SASS6: variants seen among roughly 807,000 people sequenced by gnomAD.
SASS6 encodes spindle assembly abnormal protein 6 homolog.
SASS6 carries 59 observed loss-of-function variants against 94.9 expected under a neutral mutation model. The observed-to-expected ratio is 0.62, with a 90% CI of 0.50 to 0.77. The LOEUF (loss-of-function observed/expected upper bound fraction) is 0.77, where lower values mean the gene tolerates loss of function less well. SASS6 is among the 30% of genes least tolerant of loss of function. The pLI is 0.00. For missense variants in SASS6, 698 were observed against 734.1 expected (o/e 0.95, Z 0.57); for synonymous variants, 264 against 270.0 (o/e 0.98, Z 0.22).
At chr1:100,090,731 C>T (rs904163387) in intron 14 of SASS6, among the ~76,000 whole-genome samples, 2 of 151,846 alleles carry the variant, frequency 1.3e-5, no homozygotes, top group East Asian at 3.9e-4. Flanking sequence ...CTGCATAGCA[C>T]GGAAAGGAAA....
intron 1 of SASS6, among the ~76,000 whole-genome samples, chr1:100,130,523 T>C (rs1441468573): frequency 6.6e-6 from 1 of 151,812 alleles, no homozygotes; most frequent in East Asian, 1.9e-4. Flanking sequence ...TCTTTTAAAT[T>C]AAATTAACAA....
Position 100,125,884 on chromosome 1 carries a change from T to C in SASS6, c.124A>G (p.Lys42Glu). The C allele has an allele frequency of 6.6e-7, 1 of 1,508,972 alleles. No individual in the cohort carries two copies. The highest frequency in any genetic ancestry group is 9.1e-7 in the Non-Finnish European group (1 of 1,094,962). 93.5% of individuals were successfully genotyped at this position (1,508,972 alleles called of 1,614,324 possible). Residue 42 changes from lysine (K) to glutamate (E), a missense_variant and splice_region_variant, in exon 2 of 17, where the codon AAG becomes GAG. Transcript: ENST00000287482. ...TCAAAAAAGGACTAAATACCAACCT[T>C]TCTGTGAACTGGATTAGAAACTGAT... ...LQSVSNPVHR[K>E]DLVIRLTDDT...
Position 100,120,434 on chromosome 1 carries a change from G to A in SASS6, c.509C>T (p.Ser170Leu). 6.7e-7 allele frequency: 1 copy of A among 1,490,612 alleles called. No homozygotes were observed. The highest frequency in any genetic ancestry group is 9.4e-7 in the Non-Finnish European group (1 of 1,068,986). The allele number at this position is 1,490,612 out of a possible 1,614,324, so 92.3% of individuals were successfully genotyped here. A position where few individuals can be genotyped will look rare whatever the true frequency, so the allele number is the denominator to read the frequency against. ...CAGTTGCTTAGTAGCATCATCTAGT[G>A]ATTGCATCAATGATAATTTTTCTTC... ...SKEEKLSLMQ[S>L]LDDATKQLDF... is the part of the protein sequence containing the mutation. Residue 170 changes from serine (S) to leucine (L), a missense_variant, in exon 6 of 17, where the codon TCA becomes TTA. Ser to Leu is a moderately radical substitution (Grantham distance 145, BLOSUM62 -2). Transcript: ENST00000287482.
intron 14 of SASS6, among the ~76,000 whole-genome samples, 171 bp downstream of exon 14, chr1:100,102,784 T>A (rs1299113922): frequency 6.6e-6 from 1 of 151,832 alleles, no homozygotes; most frequent in African/African-American, 2.4e-5. Flanking sequence ...ATAGTGCATA[T>A]ATTTCCTGTA....
intron 13 of SASS6, among the ~76,000 whole-genome samples, chr1:100,105,356 T>A (rs1249842744): frequency 6.6e-6 from 1 of 151,932 alleles, no homozygotes; most frequent in African/African-American, 2.4e-5. Flanking sequence ...GTGAAATCTG[T>A]TTCTACTAAA....
At position 100,132,733 on chromosome 1, in the gene SASS6, G is replaced by C; in HGVS notation, c.65+17C>G. 6.2e-7 allele frequency: 1 copy of C among 1,610,070 alleles called. No homozygotes were observed. On this transcript the variant is annotated intron_variant, in intron 1 of 16. Coordinates refer to ENST00000287482, the MANE Select transcript of SASS6 (RefSeq NM_194292.3). ...CCCCAACCGCCACCCGCGGGCACTG[G>C]ATGACGCGGACCTTACCTCTCCTCA... is the stretch of plus-strand genomic sequence containing the variant.
In SASS6 at chr1:100,132,905, G is replaced by A; in HGVS notation, c.-91C>T. ...AGAGGTCCGGGTCCTGATAAAGTTT[G>A]AGTTTGGCGCTCGGCTTCTGCGGAG... On this transcript the variant is annotated 5_prime_UTR_variant, in exon 1 of 17. Coordinates refer to ENST00000287482, the MANE Select transcript of SASS6 (RefSeq NM_194292.3). The A allele has an allele frequency of 1.6e-6, 2 of 1,283,080 alleles. No homozygotes were observed. The highest frequency in any genetic ancestry group is 2.2e-6 in the Non-Finnish European group (2 of 893,596). The allele number at this position is 1,283,080 out of a possible 1,614,324, so 79.5% of individuals were successfully genotyped here. A position where few individuals can be genotyped will look rare whatever the true frequency, so the allele number is the denominator to read the frequency against.
At chr1:100,122,237 G>A in intron 4 of SASS6, 143 bp downstream of exon 4, 1 of 437,978 alleles carries the variant, frequency 2.3e-6, no homozygotes. Flanking sequence ...TAAAGTCTGA[G>A]ATTTAATGGA....
chr1:100,104,681 T>A (rs1652756803), intron 13 of SASS6, among the ~76,000 whole-genome samples: 1 of 151,942 alleles, frequency 6.6e-6, no homozygotes, highest in South Asian at 2.1e-4. Flanking sequence ...GCTGACCTCT[T>A]GAACTCCTGA....
intron 7 of SASS6, among the ~76,000 whole-genome samples, chr1:100,115,834 G>A (rs1653760925): frequency 6.6e-6 from 1 of 151,968 alleles, no homozygotes; most frequent in Non-Finnish European, 1.5e-5. Flanking sequence ...AAATAAAAAT[G>A]AAATAAAATA....
At chr1:100,109,255 C>A (rs1294553662) in intron 8 of SASS6, among the ~76,000 whole-genome samples, 4 of 152,032 alleles carry the variant, frequency 2.6e-5, no homozygotes, top group African/African-American at 7.2e-5. Context: ...AGGATCTGAA[C>A]ACAAAATTGG....
chr1:100,085,521 G>A lies in SASS6; in HGVS notation c.1867+15C>T. On this transcript the variant is annotated intron_variant, in intron 16 of 16. Coordinates refer to ENST00000287482, the MANE Select transcript of SASS6 (RefSeq NM_194292.3). ...TTCAACTATAAAGTACAAAAATCCA[G>A]AAATCCCTGCTTACCTGAATTACTA... The A allele has an allele frequency of 3.1e-6, 5 of 1,600,962 alleles. No homozygotes were observed. Among genetic ancestry groups the A allele is most frequent in the Non-Finnish European group, 4.3e-6 (5 of 1,168,844 alleles).
intron 14 of SASS6, among the ~76,000 whole-genome samples, chr1:100,092,033 A>G (rs1651740234): frequency 6.7e-6 from 1 of 149,026 alleles, no homozygotes; most frequent in East Asian, 1.9e-4. Flanking sequence ...AAAAAAAAAA[A>G]AATTGAAGAA....
intron 14 of SASS6, among the ~76,000 whole-genome samples, chr1:100,097,956 G>A (rs540333001): frequency 1.3e-5 from 2 of 152,246 alleles, no homozygotes; most frequent in Admixed American, 1.3e-4. Context: ...GGAGGAGTAA[G>A]GATAAACTGC....
rs1654098392 is a variant in SASS6, at chr1:100,120,404, A to C, written c.539T>G (p.Phe180Cys). 1 of 1,515,478 alleles carries C rather than the reference A, an allele frequency of 6.6e-7. No individual in the cohort carries two copies. 93.9% of individuals were successfully genotyped at this position (1,515,478 alleles called of 1,614,324 possible). The change falls in exon 6 of 17, where the codon TTT becomes TGT. Residue 180 changes from phenylalanine (F) to cysteine (C), a missense_variant. Coordinates refer to ENST00000287482, the MANE Select transcript of SASS6 (RefSeq NM_194292.3). ...SLDDATKQLD[F>C]TRKTLAEKKQ... is the part of the protein sequence containing the mutation. The stretch of plus-strand genomic sequence containing the variant: ...TGAAATTTGAATTACCTTTCGTGTA[A>C]AGTCCAGTTGCTTAGTAGCATCATC...
In SASS6 at chr1:100,083,829, G is replaced by A. The variant is rs1286593997; in HGVS notation, c.*1499C>T. 1 of 151,902 alleles carries A rather than the reference G, an allele frequency of 6.6e-6. No individual in the cohort carries two copies. Among genetic ancestry groups the A allele is most frequent in the African/African-American group, 2.4e-5 (1 of 41,390 alleles). The allele number at this position is 151,902 out of a possible 1,614,324, so 9.4% of individuals were successfully genotyped here. On this transcript the variant is annotated 3_prime_UTR_variant, in exon 17 of 17. Transcript: ENST00000287482. ...AAAGAGATACCTATATTTTAAAAAA[G>A]AGAGCTACCTGTATGTCATGCATCC...
chr1:100,129,420 C>A (rs1654850940), intron 1 of SASS6, among the ~76,000 whole-genome samples: 1 of 151,952 alleles, frequency 6.6e-6, no homozygotes, highest in South Asian at 2.1e-4. Context: ...TGAGTACCTG[C>A]CAGGTATTCT....
intron 15 of SASS6, 74 bp from the exon 16 acceptor site, chr1:100,085,704 A>G: frequency 1.2e-6 from 1 of 825,204 alleles, no homozygotes; most frequent in Non-Finnish European, 2.0e-6. Flanking sequence ...ATATGTATAC[A>G]TATATATAAG....
intron 14 of SASS6, among the ~76,000 whole-genome samples, chr1:100,088,835 T>TAAA (rs72345602): frequency 1.2e-5 from 1 of 83,942 alleles, no homozygotes; most frequent in Non-Finnish European, 2.7e-5. Flanking sequence ...ACCCTGTCTA[T>TAAA]AAAAAAAAAA....
Sources: allele counts gnomAD v4.1 joint callset (sites outside exome capture counted in the v4.1 genomes callset), GRCh38; gene constraint gnomAD v4.1.1; transcripts MANE v1.5; gene names NCBI Gene and HGNC (gene_info 2026-07-23, HGNC 2026-07-21).